GRIN2D: variants seen among roughly 807,000 people sequenced by gnomAD.
GRIN2D encodes glutamate receptor ionotropic, NMDA 2D.
Under a neutral mutation model 103.2 loss-of-function variants are expected in GRIN2D, and 37 were observed. The observed-to-expected ratio is 0.36, with a 90% CI of 0.28 to 0.47. The LOEUF is 0.47. Ranked by LOEUF, GRIN2D falls within the 20% of genes least tolerant of loss-of-function variation. GRIN2D has a pLI of 1.00. For synonymous variants in GRIN2D, 845 were observed against 885.6 expected (o/e 0.95, Z 0.81); for missense variants, 1,557 against 1,910.6 (o/e 0.81, Z 3.45).
chr19:48,412,457 G>A (rs1270735987), intron 4 of GRIN2D, among the ~76,000 whole-genome samples: 1 of 149,642 alleles, frequency 6.7e-6, no homozygotes, highest in Non-Finnish European at 1.5e-5. Context: ...AAGAAAGAAA[G>A]AAAGAAAGAA....
chr19:48,443,157 C>CGGCGCGGGG lies in GRIN2D; in HGVS notation c.3235_3243dup (p.Ala1079_Gly1081dup), dbSNP rs1409600110. On this transcript the variant is annotated inframe_insertion, in exon 14 of 14. Transcript: ENST00000263269. This position sits in a 1 kb window ranked among gnomAD's most constrained non-coding sequence, Gnocchi z 8.9. ...AACCCCTGCTGGGGCCAGGCGCGGGCGGCGCGGGGGGCACGGGGGGCGCAG... is the reference window on the plus strand; with the variant it reads ...AACCCCTGCTGGGGCCAGGCGCGGGCGGCGCGGGGGGCGCGGGGGGCACGGGGGGCGCAG... 1.0e-6 allele frequency: 1 copy of CGGCGCGGGG among 990,308 alleles called. No homozygotes were observed. The highest frequency in any genetic ancestry group is 1.2e-6 in the Non-Finnish European group (1 of 833,034). 61.3% of individuals were successfully genotyped at this position (990,308 alleles called of 1,614,324 possible).
chr19:48,418,748 G>A (rs1165131389), intron 8 of GRIN2D, among the ~76,000 whole-genome samples: 1 of 152,046 alleles, frequency 6.6e-6, no homozygotes, highest in African/African-American at 2.4e-5. Flanking sequence ...GAGCGTGGGA[G>A]CTGGTCTGGG....
chr19:48,425,698 T>C (rs1971077941), intron 11 of GRIN2D, among the ~76,000 whole-genome samples: 1 of 152,140 alleles, frequency 6.6e-6, no homozygotes, highest in Non-Finnish European at 1.5e-5. Flanking sequence ...TTTTTTCCCA[T>C]ACAAATGTCA....
rs554044518 is a variant in GRIN2D, at chr19:48,419,171, C to T, written c.1736-63C>T. 16 of 1,544,260 alleles carry T rather than the reference C, an allele frequency of 1.0e-5. No individual in the cohort carries two copies. The African/African-American group carries it at 2.1e-4, about 20-fold the overall frequency. ...TGGGAGTACAGGCGTGAGGCACCGC[C>T]CCAGCCTGATCCCCGAGTCTTTTGC... On this transcript the variant is annotated intron_variant, in intron 8 of 13. Coordinates refer to ENST00000263269, the MANE Select transcript of GRIN2D (RefSeq NM_000836.4).
chr19:48,410,527 C>CAAAAAAAAAAAA lies in GRIN2D; in HGVS notation c.1086-3451_1086-3440dup. Among the ~76,000 whole-genome samples the CAAAAAAAAAAAA allele has an allele frequency of 4.4e-5, 2 of 45,422 alleles. 1 individual carries two copies. The highest frequency in any genetic ancestry group is 7.7e-5 in the Non-Finnish European group (2 of 26,098). 29.8% of individuals were successfully genotyped at this position (45,422 alleles called of 152,430 possible). On this transcript the variant is annotated intron_variant, in intron 4 of 13. Coordinates refer to ENST00000263269, the MANE Select transcript of GRIN2D (RefSeq NM_000836.4). The stretch of plus-strand genomic sequence containing the variant: ...TGGGCAACAGAGTGAGACTCTGACT[C>CAAAAAAAAAAAA]AAAAAAAAAAAAAAAAAAAAAAAAG...
intron 7 of GRIN2D, among the ~76,000 whole-genome samples, chr19:48,415,265 G>C (rs1431615949): frequency 6.6e-6 from 1 of 152,118 alleles, no homozygotes; most frequent in Non-Finnish European, 1.5e-5. Context: ...CAGCTACTCG[G>C]GAGGCTGAGG....
At chr19:48,411,147 C>A (rs928889438) in intron 4 of GRIN2D, among the ~76,000 whole-genome samples, 1 of 151,920 alleles carries the variant, frequency 6.6e-6, no homozygotes, top group African/African-American at 2.4e-5. Flanking sequence ...CATGGCGAAA[C>A]CTCGTCTCCA....
rs1354415913 is a variant in GRIN2D at position 48,442,117 on chromosome 19, C to T, written c.2441-33C>T. 9 of 1,591,806 alleles carry T rather than the reference C, an allele frequency of 5.7e-6. No homozygotes were observed. In the South Asian group the frequency reaches 9.9e-5, roughly 18 times the overall value. Reference sequence around the variant, plus strand: ...CAGACAAGGGTCCTCAGAGGGTACTCATAGCAGGTGACTTTTGACCGCCCC... The same window carrying T: ...CAGACAAGGGTCCTCAGAGGGTACTTATAGCAGGTGACTTTTGACCGCCCC... On this transcript the variant is annotated intron_variant, in intron 12 of 13. Transcript: ENST00000263269. The surrounding 1 kb of genome is among the most constrained non-coding windows in gnomAD (Gnocchi z 7.2).
At chr19:48,433,083 G>A (rs1228223202) in intron 11 of GRIN2D, among the ~76,000 whole-genome samples, 1 of 132,674 alleles carries the variant, frequency 7.5e-6, no homozygotes, top group East Asian at 2.8e-4. Context: ...GACACCACCT[G>A]CAATACAGGT....
intron 11 of GRIN2D, among the ~76,000 whole-genome samples, chr19:48,435,671 C>T (rs1274842126): frequency 6.6e-6 from 1 of 152,088 alleles, no homozygotes; most frequent in East Asian, 1.9e-4. Flanking sequence ...TTATGAACTC[C>T]CGACCTCAGG....
rs373184877 is a variant in GRIN2D, at chr19:48,428,029, C to CTCTGTGG, written c.2252+6085_2252+6091dup. ...CCCATCATCTTCCCTCTGTTTGTGT[C>CTCTGTGG]TCTGTGGCCAAGTTCTTTTTTTTTT... On this transcript the variant is annotated intron_variant, in intron 11 of 13. Coordinates refer to ENST00000263269, the MANE Select transcript of GRIN2D (RefSeq NM_000836.4). 3.4e-3 allele frequency among the ~76,000 whole-genome samples: 515 copies of CTCTGTGG among 149,416 alleles called. 6 individuals carry two copies. The highest frequency in any genetic ancestry group is 0.012 in the African/African-American group (483 of 40,374).
At chr19:48,399,630 G>A (rs1333443805) in intron 3 of GRIN2D, among the ~76,000 whole-genome samples, 1 of 152,170 alleles carries the variant, frequency 6.6e-6, no homozygotes, top group Admixed American at 6.5e-5. Context: ...AGAGGTGGCA[G>A]CTAGGAAGTA....
chr19:48,436,789 C>A (rs1332625717), intron 11 of GRIN2D, among the ~76,000 whole-genome samples: 1 of 152,146 alleles, frequency 6.6e-6, no homozygotes, highest in Non-Finnish European at 1.5e-5. Context: ...AGTGCAAAGG[C>A]CCTGGGGCAG....
chr19:48,442,323 C>A lies in GRIN2D; in HGVS notation c.2614C>A (p.Arg872Ser). ...VFAWEHLVYW[R>S]LRHCLGPTHR... ...CGCCTGGGAGCACCTGGTGTACTGG[C>A]GCCTGCGGCACTGCCTGGGGCCCAC... is the stretch of plus-strand genomic sequence containing the variant. Residue 872 changes from arginine (R) to serine (S), a missense_variant, in exon 13 of 14, where the codon CGC becomes AGC. Physicochemically the swap from Arg to Ser is moderately radical, Grantham distance 110. Around this residue, in one of 7 missense-constraint regions of GRIN2D, gnomAD observed 632 missense variants for 572.8 expected, o/e 1.10. Transcript: ENST00000263269. This position sits in a 1 kb window ranked among gnomAD's most constrained non-coding sequence, Gnocchi z 7.2. 1 of 1,613,880 alleles carries A rather than the reference C, an allele frequency of 6.2e-7. No homozygotes were observed. The highest frequency in any genetic ancestry group is 8.5e-7 in the Non-Finnish European group (1 of 1,180,002).
intron 11 of GRIN2D, among the ~76,000 whole-genome samples, chr19:48,435,800 CT>C (rs1412155335): frequency 6.6e-6 from 1 of 152,234 alleles, no homozygotes; most frequent in Non-Finnish European, 1.5e-5. Flanking sequence ...GTTCTAGACC[CT>C]GTGGATACAG....
rs190896413 is a variant in GRIN2D at position 48,432,691 on chromosome 19, T to C, written c.2253-9078T>C. Among the ~76,000 whole-genome samples, 174 of 151,634 alleles carry C rather than the reference T, an allele frequency of 1.1e-3. 4 individuals are homozygous for C. In the South Asian group the frequency reaches 0.035, roughly 30 times the overall value. ...CCAGGCTGCTCTTGAACTCCTAGGATCAAGCGATCCTACCACCTTGGCCTC... is the reference window on the plus strand; with the variant it reads ...CCAGGCTGCTCTTGAACTCCTAGGACCAAGCGATCCTACCACCTTGGCCTC... On this transcript the variant is annotated intron_variant, in intron 11 of 13. Coordinates refer to ENST00000263269, the MANE Select transcript of GRIN2D (RefSeq NM_000836.4).
chr19:48,403,908 T>C (rs1400969959), intron 3 of GRIN2D, among the ~76,000 whole-genome samples: 1 of 152,086 alleles, frequency 6.6e-6, no homozygotes, highest in Non-Finnish European at 1.5e-5. Context: ...AACCCCCAAA[T>C]CTCAGTGGAT....
At chr19:48,438,287 C>CTTTTTTTTTTTTTTTTTTTTTT (rs71181697) in intron 11 of GRIN2D, among the ~76,000 whole-genome samples, 1 of 57,726 alleles carries the variant, frequency 1.7e-5, no homozygotes, top group Admixed American at 2.8e-4. Context: ...ATCCAGCCGC[C>CTTTTTTTTTTTTTTTTTTTTTT]TTTTTTTTTT....
Position 48,442,718 on chromosome 19 carries a change from C to G in GRIN2D, c.2792C>G (p.Pro931Arg), listed in dbSNP as rs1245269005. 2 of 1,129,410 alleles carry G rather than the reference C, an allele frequency of 1.8e-6. No homozygotes were observed. The highest frequency in any genetic ancestry group is 3.3e-5 in the African/African-American group (2 of 59,742). 70.0% of individuals were successfully genotyped at this position (1,129,410 alleles called of 1,614,324 possible). A position where few individuals can be genotyped will look rare whatever the true frequency, so the allele number is the denominator to read the frequency against. Residue 931 changes from proline to arginine, a missense_variant, in exon 14 of 14, where the codon CCT becomes CGT. Physicochemically the swap from Pro to Arg is moderately radical, Grantham distance 103. Around this residue, in one of 7 missense-constraint regions of GRIN2D, gnomAD observed 632 missense variants for 572.8 expected, o/e 1.10. Transcript: ENST00000263269. The surrounding 1 kb of genome is among the most constrained non-coding windows in gnomAD (Gnocchi z 7.2). ...PAPRPAPGPA[P>R]FVPRERASVD... ...CCGCGGCCGGCTCCCGGGCCCGCAC[C>G]TTTCGTGCCCCGCGAGCGCGCCTCA... is the stretch of plus-strand genomic sequence containing the variant.
Sources: allele counts gnomAD v4.1 joint callset (sites outside exome capture counted in the v4.1 genomes callset), GRCh38; gene constraint gnomAD v4.1.1; regional missense constraint gnomAD v4.1.1; non-coding constraint Gnocchi (gnomAD v3.1); transcripts MANE v1.5; gene names NCBI Gene and HGNC (gene_info 2026-07-23, HGNC 2026-07-21).